Variants in IPO5 observed in about 807,000 individuals in gnomAD.
IPO5 encodes the protein importin 5, also known as importin-5.
IPO5 carries 18 observed loss-of-function variants against 143.3 expected under a neutral mutation model. The ratio of observed to expected loss-of-function variants is 0.13; its 90% CI spans 0.09 to 0.19. The LOEUF (loss-of-function observed/expected upper bound fraction) is 0.19. Ranked by LOEUF, IPO5 falls within the 10% of genes least tolerant of loss-of-function variation. The probability of loss-of-function intolerance (pLI) is 1.00; values close to 1 mark genes in which losing one functional copy is unlikely to be tolerated. For missense variants in IPO5, 1,013 were observed against 1,336.9 expected, an observed-to-expected ratio of 0.76 and a Z score of 3.78; for synonymous variants, 477 against 465.7, an observed-to-expected ratio of 1.02 and a Z score of -0.31.
chr13:97,960,947 A>C (rs1045910734), intron 2 of IPO5, among the ~76,000 whole-genome samples: 3 of 152,002 alleles, frequency 2.0e-5, no homozygotes, highest in African/African-American at 7.3e-5. Flanking sequence ...CCTCACCCTA[A>C]AAGAAAACTC....
intron 27 of IPO5, 124 bp from the exon 28 acceptor site, chr13:98,020,868 G>A (rs1430405411): frequency 5.8e-6 from 4 of 686,004 alleles, no homozygotes; most frequent in Non-Finnish European, 7.3e-6. Context: ...AAACTAAAGA[G>A]TTCATATATA....
intron 12 of IPO5, among the ~76,000 whole-genome samples, chr13:97,998,396 G>A (rs985581232): frequency 1.3e-5 from 2 of 152,166 alleles, no homozygotes; most frequent in African/African-American, 4.8e-5. Context: ...TGTGATAAAT[G>A]CTTTTACAGG....
intron 5 of IPO5, among the ~76,000 whole-genome samples, chr13:97,984,597 T>C (rs1364712073): frequency 6.6e-6 from 1 of 152,270 alleles, no homozygotes; most frequent in South Asian, 2.1e-4. Flanking sequence ...CTACCATAAA[T>C]GTTTCAGTAA....
chr13:98,011,344 A>C (rs1889697168), intron 20 of IPO5, among the ~76,000 whole-genome samples: 1 of 152,076 alleles, frequency 6.6e-6, no homozygotes, highest in South Asian at 2.1e-4. Flanking sequence ...AGGCTGGAGT[A>C]CAGTGGCTTG....
At chr13:97,955,633 C>T (rs1884403771) in intron 2 of IPO5, among the ~76,000 whole-genome samples, 1 of 152,176 alleles carries the variant, frequency 6.6e-6, no homozygotes, top group South Asian at 2.1e-4. Flanking sequence ...TGATGGTCCT[C>T]AGACGCCGGA....
intron 14 of IPO5, 38 bp from the exon 15 acceptor site, chr13:98,002,646 C>A (rs1469619377): frequency 1.2e-6 from 2 of 1,606,628 alleles, no homozygotes; most frequent in Non-Finnish European, 1.7e-6. Context: ...CATGTGGAAA[C>A]CTTCTTGCTT....
At position 97,969,844 on chromosome 13, in the gene IPO5, C is replaced by A. The variant is rs1273314456; in HGVS notation, c.-5+14C>A. 3.8e-6 allele frequency: 6 copies of A among 1,595,726 alleles called. No homozygotes were observed. Among genetic ancestry groups the A allele is most frequent in the Non-Finnish European group, 5.1e-6 (6 of 1,167,916 alleles). The stretch of plus-strand genomic sequence containing the variant: ...AAACACAATAAGGTAACTGATTTCA[C>A]CTGGGGAAAAGTCACTTCCTGTTTT... On this transcript the variant is annotated intron_variant, in intron 3 of 28. Transcript: ENST00000651721.
At chr13:98,012,057 A>G (rs574276925) in intron 20 of IPO5, among the ~76,000 whole-genome samples, 189 bp from the exon 21 acceptor site, 5 of 152,188 alleles carry the variant, frequency 3.3e-5, no homozygotes, top group African/African-American at 7.2e-5. Flanking sequence ...CAATACTACA[A>G]TCATTTCATG....
chr13:97,992,856 A>G, intron 9 of IPO5, 36 bp from the exon 10 acceptor site: 1 of 1,577,396 alleles, frequency 6.3e-7, no homozygotes, highest in South Asian at 1.2e-5. Context: ...TATAAAGTGA[A>G]TCTTCAGCAC....
intron 2 of IPO5, among the ~76,000 whole-genome samples, chr13:97,967,760 T>C (rs945973285): frequency 4.6e-5 from 7 of 152,028 alleles, no homozygotes; most frequent in Non-Finnish European, 8.8e-5. Context: ...GCCTCCCAAG[T>C]AGCTGGGACT....
intron 20 of IPO5, among the ~76,000 whole-genome samples, chr13:98,010,780 C>CGTTTTTTTTTTTTTTTTTGTTT (rs1889639079): frequency 1.4e-5 from 1 of 70,032 alleles, no homozygotes; most frequent in African/African-American, 9.5e-5. Context: ...AAGGATAATC[C>CGTTTTTTTTTTTTTTTTTGTTT]TTTTTTTTTT....
intron 2 of IPO5, among the ~76,000 whole-genome samples, chr13:97,958,980 T>C (rs1279786705): frequency 3.9e-5 from 6 of 151,992 alleles, no homozygotes; most frequent in African/African-American, 1.2e-4. Context: ...AAGACCAGCC[T>C]GGCCAACATG....
At chr13:97,965,654 T>G (rs910355002) in intron 2 of IPO5, among the ~76,000 whole-genome samples, 1 of 152,206 alleles carries the variant, frequency 6.6e-6, no homozygotes. Context: ...TAATTTCATT[T>G]TCAGATTGTT....
At chr13:98,017,402 G>A (rs1566571287) in intron 25 of IPO5, among the ~76,000 whole-genome samples, 2 of 151,570 alleles carry the variant, frequency 1.3e-5, no homozygotes, top group African/African-American at 2.4e-5. Flanking sequence ...GTGCAATCTC[G>A]GCTCACTGCA....
intron 9 of IPO5, 50 bp from the exon 10 acceptor site, chr13:97,992,842 G>A (rs1887912780): frequency 6.4e-7 from 1 of 1,551,492 alleles, no homozygotes; most frequent in African/African-American, 1.4e-5. Flanking sequence ...GGCTAATGAG[G>A]CATTATAAAG....
rs1890561566 is a variant in IPO5 at position 98,022,587 on chromosome 13, G to A, written c.*765G>A. On this transcript the variant is annotated 3_prime_UTR_variant, in exon 29 of 29. Transcript: ENST00000651721. ...TTTAAAGTAATAGCTATCAGTAATAGCTGAGTGTTTTTTCCCCTAATATTT... is the reference window on the plus strand; with the variant it reads ...TTTAAAGTAATAGCTATCAGTAATAACTGAGTGTTTTTTCCCCTAATATTT... 1 of 152,206 alleles carries A rather than the reference G, an allele frequency of 6.6e-6. No homozygotes were observed. Among genetic ancestry groups the A allele is most frequent in the South Asian group, 2.1e-4 (1 of 4,824 alleles). The allele number at this position is 152,206 out of a possible 1,614,324, so 9.4% of individuals were successfully genotyped here. A position where few individuals can be genotyped will look rare whatever the true frequency, so the allele number is the denominator to read the frequency against.
At chr13:98,009,662 T>C (rs1889543459) in intron 18 of IPO5, among the ~76,000 whole-genome samples, 1 of 152,232 alleles carries the variant, frequency 6.6e-6, no homozygotes, top group South Asian at 2.1e-4. Flanking sequence ...CTTTGTGTTT[T>C]GCCTCACCTG....
rs776448760 is a variant in IPO5, at chr13:98,021,096, G to A, written c.3170G>A (p.Cys1057Tyr). The part of the protein sequence containing the change: ...MHEAIKHEDP[C>Y]AKRLANVVRQ... ...GAGGCAATTAAACATGAAGATCCTT[G>A]TGCCAAACGTCTGGCCAATGTCGTT... The change falls in exon 28 of 29, where the codon TGT becomes TAT. Residue 1057 changes from cysteine (C) to tyrosine (Y), a missense_variant. This residue lies in a region of IPO5 where 685 missense variants were observed against 994.9 expected (regional missense o/e 0.69). Transcript: ENST00000651721. The A allele has an allele frequency of 5.0e-6, 8 of 1,609,818 alleles. No homozygotes were observed. In the South Asian group the frequency reaches 8.9e-5, roughly 18 times the overall value.
chr13:98,005,618 G>A (rs1383494751), intron 16 of IPO5, among the ~76,000 whole-genome samples: 1 of 152,024 alleles, frequency 6.6e-6, no homozygotes, highest in African/African-American at 2.4e-5. Context: ...CAGAGAAAAA[G>A]GTCATCTCAT....
Sources: gnomAD v4.1 joint callset for allele counts (sites outside exome capture counted in the v4.1 genomes callset) on GRCh38, gnomAD v4.1.1 for gene constraint, gnomAD v4.1.1 regional missense constraint, MANE v1.5 for transcripts, NCBI Gene and HGNC (gene_info 2026-07-23, HGNC 2026-07-21) for gene names.